The following STEEP1 variants were observed in gnomAD, a reference collection of about 807,000 sequenced individuals.
STEEP1 encodes STING1 ER exit protein 1, also known as STING ER exit protein.
STEEP1 carries 3 observed loss-of-function variants against 19.2 expected under a neutral mutation model. The ratio of observed to expected loss-of-function variants is 0.16; its 90% CI spans 0.07 to 0.40. The LOEUF (loss-of-function observed/expected upper bound fraction) is 0.40, where lower values mean the gene tolerates loss of function less well. STEEP1 is among the 10% of genes least tolerant of loss of function. STEEP1 has a pLI of 0.99. For synonymous variants in STEEP1, 46 were observed against 63.7 expected, an observed-to-expected ratio of 0.72 and a Z score of 1.32; for missense variants, 54 against 177.1, an observed-to-expected ratio of 0.30 and a Z score of 3.94.
chrX:119,546,149 G>C (rs748672055), intron 2 of STEEP1, among the ~76,000 whole-genome samples: 39 of 110,054 alleles, frequency 3.5e-4, no homozygotes, highest in Non-Finnish European at 6.7e-4. Context: ...AAGTATACAT[G>C]TATTAACTCG....
At chrX:119,561,676 AAAAAAAAAAG>A (rs201809340) in intron 1 of STEEP1, among the ~76,000 whole-genome samples, 1,660 of 99,729 alleles carry the variant, frequency 0.017, 34 homozygotes, top group African/African-American at 0.056. Context: ...CTCTCAAAAG[AAAAAAAAAAG>A]AAAAAAAAAG....
chrX:119,554,789 T>C (rs1419382698), intron 2 of STEEP1, among the ~76,000 whole-genome samples: 1 of 110,682 alleles, frequency 9.0e-6, no homozygotes, highest in Non-Finnish European at 1.9e-5. Context: ...ATGAGACACC[T>C]TGGAAGATGA....
At chrX:119,555,094 G>GT (rs1435188573) in intron 2 of STEEP1, among the ~76,000 whole-genome samples, 2 of 99,852 alleles carry the variant, frequency 2.0e-5, no homozygotes, top group African/African-American at 8.5e-5. Flanking sequence ...GCGTGACAGA[G>GT]TGAGACCCTG....
At chrX:119,564,449 T>C (rs1236983386) in intron 1 of STEEP1, among the ~76,000 whole-genome samples, 3 of 92,685 alleles carry the variant, frequency 3.2e-5, no homozygotes, top group East Asian at 4.0e-4. Context: ...TGAGCCGAGA[T>C]TGCACCACTG....
chrX:119,542,055 C>CTTTTTTTTTTTTTTTTTTTTTTTTTTTTT (rs201339708), intron 5 of STEEP1, among the ~76,000 whole-genome samples: 2 of 82,908 alleles, frequency 2.4e-5, no homozygotes, highest in African/African-American at 4.9e-5. Context: ...CTTTTCTTTT[C>CTTTTTTTTTTTTTTTTTTTTTTTTTTTTT]TTTTTTTTTT....
chrX:119,547,909 T>C (rs1348545809), intron 2 of STEEP1, among the ~76,000 whole-genome samples: 5 of 111,619 alleles, frequency 4.5e-5, no homozygotes, highest in African/African-American at 1.6e-4. Flanking sequence ...TGGTAGCTCA[T>C]ACCTGTAATG....
intron 2 of STEEP1, among the ~76,000 whole-genome samples, chrX:119,556,980 AC>A (rs1258176241): frequency 7.4e-5 from 8 of 108,128 alleles, no homozygotes; most frequent in African/African-American, 2.7e-4. Flanking sequence ...ACGTGTTGAA[AC>A]CCTGTCTCTA....
intron 6 of STEEP1, among the ~76,000 whole-genome samples, chrX:119,540,669 C>T (rs2053156431): frequency 8.9e-6 from 1 of 112,562 alleles, no homozygotes; most frequent in Non-Finnish European, 1.9e-5. Flanking sequence ...CAAGGTAGCC[C>T]TATCATGTGC....
rs1024826352 is a variant in STEEP1 at position 119,554,128 on chromosome X, A to G, written c.242+6140T>C. 3.6e-5 allele frequency among the ~76,000 whole-genome samples: 4 copies of G among 112,230 alleles called. No individual in the cohort carries two copies. In the East Asian group the frequency reaches 1.1e-3, roughly 31 times the overall value. ...TCTCAAGGAATATATGAGATAGGGAAGACTCTGTGACCAAAAACAAAACAA... is the reference window on the plus strand; with the variant it reads ...TCTCAAGGAATATATGAGATAGGGAGGACTCTGTGACCAAAAACAAAACAA... On this transcript the variant is annotated intron_variant, in intron 2 of 6. Coordinates refer to ENST00000644802, the MANE Select transcript of STEEP1 (RefSeq NM_022101.4).
chrX:119,561,727 A>G (rs73614225), intron 1 of STEEP1, among the ~76,000 whole-genome samples: 98 of 111,996 alleles, frequency 8.8e-4, no homozygotes, highest in African/African-American at 2.9e-3. Context: ...TAAGCACCTA[A>G]AGGATCACAG....
intron 5 of STEEP1, among the ~76,000 whole-genome samples, chrX:119,542,068 T>TC (rs2053166555): frequency 8.0e-5 from 1 of 12,499 alleles, no homozygotes; most frequent in Non-Finnish European, 2.1e-4. Context: ...TTTTTTTTTT[T>TC]TTTTTTTTTT....
rs1297947328 is a variant in STEEP1 at position 119,539,464 on chromosome X, G to A, written c.*263C>T. The A allele has an allele frequency of 4.5e-6, 1 of 220,816 alleles. No individual in the cohort carries two copies. Among genetic ancestry groups the A allele is most frequent in the African/African-American group, 3.0e-5 (1 of 33,633 alleles). 18.2% of individuals were successfully genotyped at this position (220,816 alleles called of 1,213,427 possible). A position where few individuals can be genotyped will look rare whatever the true frequency, so the allele number is the denominator to read the frequency against. On this transcript the variant is annotated 3_prime_UTR_variant, in exon 7 of 7. Coordinates refer to ENST00000644802, the MANE Select transcript of STEEP1 (RefSeq NM_022101.4). ...GAGAACTGCTTGAACCCGGGAGGCGGAGGTTGCAGTGAGCCGAGATCGCAC... is the reference window on the plus strand; with the variant it reads ...GAGAACTGCTTGAACCCGGGAGGCGAAGGTTGCAGTGAGCCGAGATCGCAC...
At chrX:119,542,055 C>CTTTTTT (rs201339708) in intron 5 of STEEP1, among the ~76,000 whole-genome samples, 849 of 82,701 alleles carry the variant, frequency 0.01, 30 homozygotes, top group Non-Finnish European at 0.014. Context: ...CTTTTCTTTT[C>CTTTTTT]TTTTTTTTTT....
At chrX:119,558,173 T>A (rs368387475) in intron 2 of STEEP1, among the ~76,000 whole-genome samples, 2 of 111,529 alleles carry the variant, frequency 1.8e-5, no homozygotes, top group East Asian at 5.7e-4. Flanking sequence ...CCTCTCAAAG[T>A]GTTGGGATTA....
chrX:119,542,721 G>T, intron 4 of STEEP1, 127 bp from the exon 5 acceptor site: 1 of 402,145 alleles, frequency 2.5e-6, no homozygotes, highest in Non-Finnish European at 4.4e-6. Flanking sequence ...CTTTGGGACA[G>T]GATGACCTAT....
At chrX:119,543,669 A>G (rs1004939199) in intron 4 of STEEP1, among the ~76,000 whole-genome samples, 1 of 108,758 alleles carries the variant, frequency 9.2e-6, no homozygotes, top group African/African-American at 3.4e-5. Flanking sequence ...TTTTGTAGAG[A>G]TAGGGTCTCG....
intron 2 of STEEP1, among the ~76,000 whole-genome samples, chrX:119,556,935 C>T (rs974285476): frequency 4.6e-5 from 5 of 109,268 alleles, no homozygotes; most frequent in Non-Finnish European, 3.8e-5. Flanking sequence ...TTGAGAAGGC[C>T]AAAGAAGGAG....
chrX:119,541,475 A>G (rs993635742), intron 5 of STEEP1, 55 bp from the exon 6 acceptor site: 2 of 700,841 alleles, frequency 2.9e-6, no homozygotes, highest in Non-Finnish European at 4.6e-6. Context: ...GAATAACAAC[A>G]AAGACGTTAA....
Position 119,541,240 on chromosome X carries a change from A to G in STEEP1, c.606+88T>C, listed in dbSNP as rs1238420923. ...TCTAAAACCTCCCAACAGATTTCCT[A>G]AAAGATTTCCCTGCCTGCTGAAAGG... On this transcript the variant is annotated intron_variant, in intron 6 of 6. Coordinates refer to ENST00000644802, the MANE Select transcript of STEEP1 (RefSeq NM_022101.4). The G allele has an allele frequency of 5.1e-6, 3 of 584,195 alleles. No homozygotes were observed. The Admixed American group carries it at 7.6e-5, about 15-fold the overall frequency. The allele number at this position is 584,195 out of a possible 1,213,427, so 48.1% of individuals were successfully genotyped here. A position where few individuals can be genotyped will look rare whatever the true frequency, so the allele number is the denominator to read the frequency against.
Sources: allele counts gnomAD v4.1 joint callset (sites outside exome capture counted in the v4.1 genomes callset), GRCh38; gene constraint gnomAD v4.1.1; transcripts MANE v1.5; gene names NCBI Gene and HGNC (gene_info 2026-07-23, HGNC 2026-07-21).